SLAIN1: variants seen among roughly 807,000 people sequenced by gnomAD.
The protein encoded by SLAIN1 is SLAIN family member 1.
SLAIN1 carries 17 observed loss-of-function variants against 55.4 expected under a neutral mutation model. That is an observed-to-expected ratio of 0.31 (90% CI 0.21 to 0.46). The LOEUF (loss-of-function observed/expected upper bound fraction) is 0.46, where lower values mean the gene tolerates loss of function less well. Ranked by LOEUF, SLAIN1 falls within the 20% of genes least tolerant of loss-of-function variation. The probability of loss-of-function intolerance (pLI) is 1.00; values close to 1 mark genes in which losing one functional copy is unlikely to be tolerated. For missense variants in SLAIN1, 682 were observed against 785.1 expected (o/e 0.87, Z 1.57); for synonymous variants, 348 against 337.4 (o/e 1.03, Z -0.35).
chr13:77,698,682 G>A lies in SLAIN1; in HGVS notation c.626+143G>A, dbSNP rs1594243210. 15 of 1,256,906 alleles carry A rather than the reference G, an allele frequency of 1.2e-5. No homozygotes were observed. Among genetic ancestry groups the A allele is most frequent in the Middle Eastern group, 3.0e-4 (1 of 3,376 alleles). 77.9% of individuals were successfully genotyped at this position (1,256,906 alleles called of 1,614,324 possible). A position where few individuals can be genotyped will look rare whatever the true frequency, so the allele number is the denominator to read the frequency against. On this transcript the variant is annotated intron_variant, in intron 1 of 6. Transcript: ENST00000418532. The surrounding 1 kb of genome is among the most constrained non-coding windows in gnomAD (Gnocchi z 4.1). ...GCTCCCGGAGGGGCCGACCCAGCAG[G>A]TGTTGAGCCAGGCGGTGACACTTCC...
In SLAIN1 at chr13:77,744,665, G is replaced by A. The variant is rs555861189; in HGVS notation, c.916+233G>A. ...TGGACATTGCTGGTATTGTCACTGTGGAAACAGATGGACAGTTTCCTAAAA... is the reference window on the plus strand; with the variant it reads ...TGGACATTGCTGGTATTGTCACTGTAGAAACAGATGGACAGTTTCCTAAAA... On this transcript the variant is annotated intron_variant, in intron 3 of 6. Coordinates refer to ENST00000418532, the MANE Select transcript of SLAIN1 (RefSeq NM_001242868.2). The A allele has an allele frequency of 2.9e-4, 186 of 641,706 alleles. 1 individual carries two copies. The African/African-American group carries it at 3.1e-3, about 11-fold the overall frequency. The allele number at this position is 641,706 out of a possible 1,614,324, so 39.8% of individuals were successfully genotyped here.
In SLAIN1 at chr13:77,763,852, A is replaced by C. The variant is rs1875250440; in HGVS notation, c.*632A>C. 1 of 152,694 alleles carries C rather than the reference A, an allele frequency of 6.5e-6. No individual in the cohort carries two copies. Among genetic ancestry groups the C allele is most frequent in the African/African-American group, 2.4e-5 (1 of 41,462 alleles). The allele number at this position is 152,694 out of a possible 1,614,324, so 9.5% of individuals were successfully genotyped here. Reference sequence around the variant, plus strand: ...ACATAATTTTGTGTTGAATGAGCACAACATAATTTGAAGCATTGCAAGGAG... The same window carrying C: ...ACATAATTTTGTGTTGAATGAGCACCACATAATTTGAAGCATTGCAAGGAG... On this transcript the variant is annotated 3_prime_UTR_variant, in exon 7 of 7. Transcript: ENST00000418532.
chr13:77,711,332 A>G (rs904742754), intron 1 of SLAIN1, among the ~76,000 whole-genome samples: 2 of 152,218 alleles, frequency 1.3e-5, no homozygotes, highest in African/African-American at 4.8e-5. Context: ...CGCTAGCCAG[A>G]CTATTAAAGA....
chr13:77,717,161 T>C (rs1359214415), intron 1 of SLAIN1, among the ~76,000 whole-genome samples: 1 of 152,210 alleles, frequency 6.6e-6, no homozygotes, highest in Non-Finnish European at 1.5e-5. Flanking sequence ...ACCAACTTTT[T>C]ATTTCTGATA....
chr13:77,753,268 A>G lies in SLAIN1; in HGVS notation c.1324A>G (p.Ile442Val), dbSNP rs773363679. 3.5e-5 allele frequency: 57 copies of G among 1,613,170 alleles called. No homozygotes were observed. The highest frequency in any genetic ancestry group is 4.5e-5 in the East Asian group (2 of 44,858). ...MPSTTAISSN[I>V]SSPVTVRNSQ... ...AAGTACAACTGCCATTAGTAGCAAC[A>G]TTAGTTCTCCGGTCACCGTGCGAAA... is the stretch of plus-strand genomic sequence containing the variant. The change falls in exon 5 of 7, where the codon ATT becomes GTT. Residue 442 changes from isoleucine (I) to valine (V), a missense_variant. Coordinates refer to ENST00000418532, the MANE Select transcript of SLAIN1 (RefSeq NM_001242868.2).
intron 5 of SLAIN1, among the ~76,000 whole-genome samples, chr13:77,756,285 ACT>A (rs899918132): frequency 6.6e-6 from 1 of 151,854 alleles, no homozygotes; most frequent in African/African-American, 2.4e-5. Flanking sequence ...CATTTCATTG[ACT>A]CTGCAGATCA....
In SLAIN1 at chr13:77,719,405, A is replaced by G; in HGVS notation, c.627-127A>G. On this transcript the variant is annotated intron_variant, in intron 1 of 6. Transcript: ENST00000418532. ...ATTTGCCTGTTAAAAACTATTTCTG[A>G]TACTTTGAAGTCATCAAATATGAGT... 4 of 549,350 alleles carry G rather than the reference A, an allele frequency of 7.3e-6. No homozygotes were observed. In the Admixed American group the frequency reaches 1.1e-4, roughly 15 times the overall value. The allele number at this position is 549,350 out of a possible 1,614,324, so 34.0% of individuals were successfully genotyped here.
rs751098128 is a variant in SLAIN1 at position 77,760,788 on chromosome 13, G to A, written c.1415-40G>A. 3.1e-6 allele frequency: 5 copies of A among 1,601,084 alleles called. No homozygotes were observed. The African/African-American group carries it at 6.7e-5, about 21-fold the overall frequency. The stretch of plus-strand genomic sequence containing the variant: ...ACACACATTTCCTAAGTCGGATAGT[G>A]GTAGAAGGTTGCTCACATGAATATC... On this transcript the variant is annotated intron_variant, in intron 5 of 6. Transcript: ENST00000418532.
Position 77,719,568 on chromosome 13 carries a change from A to G in SLAIN1, c.663A>G (p.Ser221=). 6.2e-7 allele frequency: 1 copy of G among 1,613,346 alleles called. No individual in the cohort carries two copies. The highest frequency in any genetic ancestry group is 8.5e-7 in the Non-Finnish European group (1 of 1,179,526). The change falls in exon 2 of 7, where the codon TCA becomes TCG. Residue 221 remains serine, a synonymous_variant. Coordinates refer to ENST00000418532, the MANE Select transcript of SLAIN1 (RefSeq NM_001242868.2). ...GCTCTTCAAAGACGTTCACCTCATC[A>G]GAGAAATCCCTGACTCCTTTGCAGT... ...YIGSSKTFTS[S]EKSLTPLQWC...
chr13:77,746,014 GAAC>G (rs1873787617), intron 3 of SLAIN1, among the ~76,000 whole-genome samples: 1 of 152,052 alleles, frequency 6.6e-6, no homozygotes, highest in Non-Finnish European at 1.5e-5. Context: ...TAACATAAAA[GAAC>G]AATAGAGAGA....
chr13:77,737,431 CCTT>C (rs1873176044), intron 2 of SLAIN1, among the ~76,000 whole-genome samples: 1 of 152,108 alleles, frequency 6.6e-6, no homozygotes, highest in African/African-American at 2.4e-5. Context: ...ATGTCTTTCA[CCTT>C]CTCACAGTCA....
In SLAIN1 at chr13:77,738,465, A is replaced by G. The variant is rs543167898; in HGVS notation, c.767-5818A>G. ...CTGTGAATTTTAGTGAAACAGACCT[A>G]AAGTTTGCTGCTAATGAGTTTTTAT... is the stretch of plus-strand genomic sequence containing the variant. On this transcript the variant is annotated intron_variant, in intron 2 of 6. Transcript: ENST00000418532. Among the ~76,000 whole-genome samples, 51 of 152,180 alleles carry G rather than the reference A, an allele frequency of 3.4e-4. No homozygotes were observed. In the South Asian group the frequency reaches 3.9e-3, roughly 12 times the overall value.
In SLAIN1 at chr13:77,698,293, G is replaced by C; in HGVS notation, c.380G>C (p.Cys127Ser). The C allele has an allele frequency of 7.0e-7, 1 of 1,433,818 alleles. No individual in the cohort carries two copies. The highest frequency in any genetic ancestry group is 1.5e-5 in the African/African-American group (1 of 67,578). The allele number at this position is 1,433,818 out of a possible 1,614,324, so 88.8% of individuals were successfully genotyped here. A position where few individuals can be genotyped will look rare whatever the true frequency, so the allele number is the denominator to read the frequency against. ...AGCCCCGCGTTCCCGGGCACCTTCT[G>C]CCTGCCTAGCCCCGCGCCCTCCCTG... ...GSSPAFPGTFCLPSPAPSLLC... is the reference protein window; with the variant it reads ...GSSPAFPGTFSLPSPAPSLLC... The change falls in exon 1 of 7, where the codon TGC becomes TCC. Residue 127 changes from cysteine to serine, a missense_variant. Physicochemically the swap from Cys to Ser is moderately radical, Grantham distance 112. This residue lies in a region of SLAIN1 where 401 missense variants were observed against 417.3 expected (regional missense o/e 0.96). Coordinates refer to ENST00000418532, the MANE Select transcript of SLAIN1 (RefSeq NM_001242868.2). This position sits in a 1 kb window ranked among gnomAD's most constrained non-coding sequence, Gnocchi z 4.1.
Position 77,763,177 on chromosome 13 carries a change from T to C in SLAIN1, c.1730T>C (p.Leu577Pro). 6.2e-7 allele frequency: 1 copy of C among 1,614,130 alleles called. No individual in the cohort carries two copies. The change falls in exon 7 of 7, where the codon CTC becomes CCC. Residue 577 changes from leucine (L) to proline (P), a missense_variant. Physicochemically the swap from Leu to Pro is moderately conservative, Grantham distance 98 (BLOSUM62 -3). Coordinates refer to ENST00000418532, the MANE Select transcript of SLAIN1 (RefSeq NM_001242868.2). ...FLQPPKPLSS[L>P]STLRDGNWRD... ...CAGCCTCCAAAGCCTCTGTCTTCAC[T>C]CAGCACTCTGAGGGATGGAAATTGG... is the stretch of plus-strand genomic sequence containing the variant.
Position 77,763,616 on chromosome 13 carries a change from A to G in SLAIN1, c.*396A>G, listed in dbSNP as rs547632036. On this transcript the variant is annotated 3_prime_UTR_variant, in exon 7 of 7. Transcript: ENST00000418532. ...CATGTTCTGTATTTTAATACATTGC[A>G]TATTGACAACTAGGTTCTATAATGT... The G allele has an allele frequency of 3.1e-4, 51 of 163,676 alleles. No individual in the cohort carries two copies. Among genetic ancestry groups the G allele is most frequent in the African/African-American group, 1.2e-3 (50 of 41,852 alleles). 10.1% of individuals were successfully genotyped at this position (163,676 alleles called of 1,614,324 possible).
chr13:77,711,586 A>G (rs1279384), intron 1 of SLAIN1, among the ~76,000 whole-genome samples: 60,333 of 151,958 alleles, frequency 0.4, 13,145 homozygotes, highest in African/African-American at 0.57. Flanking sequence ...GTAATTAATA[A>G]CCTATCAACC....
intron 2 of SLAIN1, among the ~76,000 whole-genome samples, chr13:77,720,781 C>T (rs770670811): frequency 6.6e-5 from 10 of 152,092 alleles, no homozygotes; most frequent in East Asian, 1.9e-4. Flanking sequence ...TCTGTACTGC[C>T]GTATTGGCAT....
chr13:77,713,260 T>A (rs1015891152), intron 1 of SLAIN1, among the ~76,000 whole-genome samples: 14 of 151,194 alleles, frequency 9.3e-5, no homozygotes, highest in African/African-American at 3.2e-4. Context: ...TGGGAGAAAA[T>A]TTTTGCAATC....
At chr13:77,699,024 A>G in intron 1 of SLAIN1, 1 of 1,535,352 alleles carries the variant, frequency 6.5e-7, no homozygotes, top group Non-Finnish European at 8.7e-7. Context: ...TGGCATCGGA[A>G]GCCGCGCAGT....
Sources: gnomAD v4.1 joint callset for allele counts (sites outside exome capture counted in the v4.1 genomes callset) on GRCh38, gnomAD v4.1.1 for gene constraint, gnomAD v4.1.1 regional missense constraint, Gnocchi (gnomAD v3.1) non-coding constraint, MANE v1.5 for transcripts, NCBI Gene and HGNC (gene_info 2026-07-23, HGNC 2026-07-21) for gene names.